Variants in RYR2 observed in about 807,000 individuals in gnomAD.
RYR2 encodes the protein ryanodine receptor 2, also known as cardiac muscle ryanodine receptor-calcium release channel.
A neutral mutation model predicts 601.1 loss-of-function variants in RYR2; 227 were observed. That is an observed-to-expected ratio of 0.38 (90% confidence interval 0.34 to 0.42). The LOEUF is 0.42. Among genes scored for constraint, RYR2 ranks in the 10% least tolerant of loss-of-function variants. The pLI, the probability that RYR2 is intolerant of heterozygous loss-of-function variation, is 1.00. For synonymous variants in RYR2, 2,223 were observed against 2,175.1 expected (o/e 1.02, Z -0.61); for missense variants, 4,646 against 6,156.5 (o/e 0.75, Z 8.21).
At chr1:237,609,656 T>C (rs1007592847) in intron 35 of RYR2, among the ~76,000 whole-genome samples, 4 of 152,056 alleles carry the variant, frequency 2.6e-5, no homozygotes, top group Non-Finnish European at 5.9e-5. Context: ...TGAGCCATGG[T>C]GCCTAGCCCA....
intron 93 of RYR2, 57 bp from the exon 94 acceptor site, chr1:237,792,048 C>A: frequency 7.9e-7 from 1 of 1,259,444 alleles, no homozygotes; most frequent in Non-Finnish European, 1.1e-6. Flanking sequence ...TTGTCTTTTG[C>A]TTGCAATGGT....
At chr1:237,515,964 G>A (rs972476908) in intron 24 of RYR2, among the ~76,000 whole-genome samples, 10 of 66,902 alleles carry the variant, frequency 1.5e-4, no homozygotes, top group African/African-American at 4.7e-4. Flanking sequence ...TCTCCTTCTC[G>A]CTCTTCTCCT....
At chr1:237,623,664 T>C in intron 38 of RYR2, 101 bp from the exon 39 acceptor site, 2 of 684,954 alleles carry the variant, frequency 2.9e-6, no homozygotes, top group Non-Finnish European at 5.0e-6. Flanking sequence ...AGTGCTGGGA[T>C]TACAGGCATG....
chr1:237,614,192 C>T lies in RYR2; in HGVS notation c.5064C>T (p.Ala1688=). ...SHVDEPQLLY[A]IENKYMPGLL... Reference sequence around the variant, plus strand: ...TGGATGAACCTCAGCTCCTCTATGCCATTGAGAACAAGTACATGCCTGGTT... The same window carrying T: ...TGGATGAACCTCAGCTCCTCTATGCTATTGAGAACAAGTACATGCCTGGTT... The change falls in exon 37 of 105, where the codon GCC becomes GCT. Residue 1688 remains alanine (A), a synonymous_variant. Transcript: ENST00000366574. This position sits in a 1 kb window ranked among gnomAD's most constrained non-coding sequence, Gnocchi z 4.3. The T allele has an allele frequency of 6.2e-7, 1 of 1,614,026 alleles. No individual in the cohort carries two copies. Among genetic ancestry groups the T allele is most frequent in the South Asian group, 1.1e-5 (1 of 91,080 alleles).
rs565743634 is a variant in RYR2 at position 237,397,349 on chromosome 1, C to T, written c.773+9166C>T. ...TAAGCCGATATGAGTGACTGAAGCC[C>T]AGGGAAAAACACAAACTCAAGAAGC... On this transcript the variant is annotated intron_variant, in intron 10 of 104. Transcript: ENST00000366574. 1.1e-4 allele frequency among the ~76,000 whole-genome samples: 17 copies of T among 152,114 alleles called. No individual in the cohort carries two copies. The East Asian group carries it at 1.9e-3, about 17-fold the overall frequency.
intron 1 of RYR2, among the ~76,000 whole-genome samples, chr1:237,236,268 G>T (rs1379010587): frequency 6.6e-6 from 1 of 152,198 alleles, no homozygotes; most frequent in Admixed American, 6.5e-5. Context: ...CTCATTGTGA[G>T]AAAGTAGATC....
intron 1 of RYR2, among the ~76,000 whole-genome samples, chr1:237,246,723 TTCC>T (rs1238382996): frequency 4.6e-5 from 7 of 152,326 alleles, no homozygotes; most frequent in African/African-American, 1.4e-4. Flanking sequence ...TAATTGAATC[TTCC>T]TCTCCTTTCA....
chr1:237,407,344 A>T (rs954413512), intron 10 of RYR2, among the ~76,000 whole-genome samples: 4 of 152,050 alleles, frequency 2.6e-5, no homozygotes, highest in Non-Finnish European at 5.9e-5. Flanking sequence ...CTATGGTAAG[A>T]GTATGTTTAG....
intron 8 of RYR2, among the ~76,000 whole-genome samples, chr1:237,385,939 A>G (rs1205897800): frequency 1.3e-5 from 2 of 152,230 alleles, no homozygotes; most frequent in Admixed American, 6.5e-5. Context: ...AGGGAAATAT[A>G]TTCTGCTTGT....
At chr1:237,639,808 G>T (rs935435815) in intron 46 of RYR2, among the ~76,000 whole-genome samples, 9 of 152,068 alleles carry the variant, frequency 5.9e-5, no homozygotes, top group Non-Finnish European at 1.2e-4. Context: ...CTCCAGCGGG[G>T]TCATGCATCC....
rs769022695 is a variant in RYR2, at chr1:237,831,580, A to G, written c.14808+15A>G. On this transcript the variant is annotated intron_variant, in intron 104 of 104. Transcript: ENST00000366574. The stretch of plus-strand genomic sequence containing the variant: ...ACACAGGACAGGTAGGTAAATTATT[A>G]CATGTCATCTTCTGAAAGAAATGAT... 2.1e-5 allele frequency: 30 copies of G among 1,457,780 alleles called. No homozygotes were observed. Among genetic ancestry groups the G allele is most frequent in the Non-Finnish European group, 2.7e-5 (28 of 1,048,694 alleles). The allele number at this position is 1,457,780 out of a possible 1,614,324, so 90.3% of individuals were successfully genotyped here.
chr1:237,400,023 A>T (rs1168365223), intron 10 of RYR2, among the ~76,000 whole-genome samples: 2 of 146,484 alleles, frequency 1.4e-5, no homozygotes, highest in East Asian at 4.2e-4. Flanking sequence ...CAAATGATAA[A>T]ATGGTTTAGA....
At chr1:237,148,686 G>T (rs1674358050) in intron 1 of RYR2, among the ~76,000 whole-genome samples, 1 of 151,706 alleles carries the variant, frequency 6.6e-6, no homozygotes, top group African/African-American at 2.4e-5. Flanking sequence ...AAGCCAGCTA[G>T]ACTTGCATTT....
intron 1 of RYR2, among the ~76,000 whole-genome samples, chr1:237,108,821 C>G (rs903550552): frequency 6.6e-6 from 1 of 152,184 alleles, no homozygotes; most frequent in Non-Finnish European, 1.5e-5. Flanking sequence ...TTTCCACCAG[C>G]GTTCCAGTTT....
At chr1:237,439,664 C>T (rs1479726180) in intron 12 of RYR2, among the ~76,000 whole-genome samples, 1 of 151,808 alleles carries the variant, frequency 6.6e-6, no homozygotes, top group East Asian at 1.9e-4. Context: ...AAATCATCAT[C>T]ACGATATTTC....
intron 80 of RYR2, chr1:237,743,701 C>T (rs1691813158): frequency 2.1e-6 from 1 of 475,204 alleles, no homozygotes; most frequent in African/African-American, 2.0e-5. Flanking sequence ...TTAGACCCAA[C>T]ATCTTGGATT....
chr1:237,547,954 T>C (rs1398827227), intron 25 of RYR2, among the ~76,000 whole-genome samples: 3 of 152,212 alleles, frequency 2.0e-5, no homozygotes, highest in Non-Finnish European at 4.4e-5. Context: ...AAGTTACAAA[T>C]GCATTTAAAT....
At chr1:237,103,782 T>C (rs1263851013) in intron 1 of RYR2, among the ~76,000 whole-genome samples, 1 of 152,220 alleles carries the variant, frequency 6.6e-6, no homozygotes. Context: ...TTGGCCAGGC[T>C]GGTCTCGAAC....
chr1:237,064,751 CTTTTTTT>C (rs551797601), intron 1 of RYR2, among the ~76,000 whole-genome samples: 83 of 109,992 alleles, frequency 7.5e-4, no homozygotes, highest in East Asian at 2.6e-3. Flanking sequence ...TAGAACCTGT[CTTTTTTT>C]TTTTTTTTTT....
Sources: gnomAD v4.1 joint callset for allele counts (sites outside exome capture counted in the v4.1 genomes callset) on GRCh38, gnomAD v4.1.1 for gene constraint, Gnocchi (gnomAD v3.1) non-coding constraint, MANE v1.5 for transcripts, NCBI Gene and HGNC (gene_info 2026-07-23, HGNC 2026-07-21) for gene names.